Variants in LMOD1 observed in about 807,000 individuals in gnomAD.
LMOD1 encodes the protein leiomodin-1.
A neutral mutation model predicts 36.5 loss-of-function variants in LMOD1; 8 were observed. That is an observed-to-expected ratio of 0.22 (90% confidence interval 0.13 to 0.40). LMOD1 has a LOEUF of 0.40. LMOD1 is among the 10% of genes least tolerant of loss of function. The pLI, the probability that LMOD1 is intolerant of heterozygous loss-of-function variation, is 1.00. For synonymous variants in LMOD1, 284 were observed against 288.7 expected (o/e 0.98, Z 0.17); for missense variants, 630 against 751.1 (o/e 0.84, Z 1.88).
chr1:201,936,424 G>T (rs574059855), intron 1 of LMOD1, among the ~76,000 whole-genome samples: 1 of 152,204 alleles, frequency 6.6e-6, no homozygotes, highest in Non-Finnish European at 1.5e-5. Context: ...AAACTCTGCT[G>T]CCCTAAAAGT....
chr1:201,908,997 C>T (rs544557974), intron 1 of LMOD1, among the ~76,000 whole-genome samples: 2 of 152,342 alleles, frequency 1.3e-5, no homozygotes, highest in East Asian at 3.9e-4. Context: ...AGAATGCTGG[C>T]CATGTGGGCA....
chr1:201,903,074 G>C (rs577027941), intron 1 of LMOD1, among the ~76,000 whole-genome samples: 21 of 152,290 alleles, frequency 1.4e-4, no homozygotes, highest in African/African-American at 5.1e-4. Flanking sequence ...GGAGAGGGCA[G>C]GGAAGAAAGG....
chr1:201,924,685 GAAAGAAAGAAAGAA>G (rs1681791844), intron 1 of LMOD1, among the ~76,000 whole-genome samples: 1 of 46,268 alleles, frequency 2.2e-5, no homozygotes, highest in African/African-American at 4.8e-5. Flanking sequence ...AAGAAAGAAA[GAAAGAAAGAAAGAA>G]AGAAAGAAAG....
Position 201,946,206 on chromosome 1 carries a change from A to G in LMOD1, c.135T>C (p.Val45=), listed in dbSNP as rs1682209248. The change falls in exon 1 of 3, where the codon GTT becomes GTC. Residue 45 remains valine, a synonymous_variant. Coordinates refer to ENST00000367288, the MANE Select transcript of LMOD1 (RefSeq NM_012134.3). ...GGTTTCTCTGCCGCAGCCCCACGGG[A>G]ACACTCCCGTCTGGGTCCACCACGT... ...ELDVVDPDGS[V]PVGLRQRNQT... 9 of 1,613,796 alleles carry G rather than the reference A, an allele frequency of 5.6e-6. No homozygotes were observed. Among genetic ancestry groups the G allele is most frequent in the Non-Finnish European group, 7.6e-6 (9 of 1,179,882 alleles).
Position 201,905,425 on chromosome 1 carries a change from G to A in LMOD1, c.262-4674C>T, listed in dbSNP as rs796137069. On this transcript the variant is annotated intron_variant, in intron 1 of 2. Transcript: ENST00000367288. ...GCACAGCATTTTCTCCCTTACCTTG[G>A]CCCTTCTGATGCTGCTTTCTTTAGA... Among the ~76,000 whole-genome samples, 7 of 152,328 alleles carry A rather than the reference G, an allele frequency of 4.6e-5. No homozygotes were observed. In the East Asian group the frequency reaches 1.2e-3, roughly 25 times the overall value.
rs898870774 is a variant in LMOD1 at position 201,896,826 on chromosome 1, C to T, written c.*1546G>A. The T allele has an allele frequency of 9.5e-6, 4 of 421,090 alleles. No homozygotes were observed. Among genetic ancestry groups the T allele is most frequent in the South Asian group, 3.4e-5 (2 of 59,618 alleles). The allele number at this position is 421,090 out of a possible 1,614,324, so 26.1% of individuals were successfully genotyped here. A position where few individuals can be genotyped will look rare whatever the true frequency, so the allele number is the denominator to read the frequency against. On this transcript the variant is annotated 3_prime_UTR_variant, in exon 3 of 3. Coordinates refer to ENST00000367288, the MANE Select transcript of LMOD1 (RefSeq NM_012134.3). Reference sequence around the variant, plus strand: ...CCCTGGGATCTGAGGGCTTTACCCCCAGGACTAGACTGCCCTCTGGTTTTG... The same window carrying T: ...CCCTGGGATCTGAGGGCTTTACCCCTAGGACTAGACTGCCCTCTGGTTTTG...
In LMOD1 at chr1:201,939,998, G is replaced by A. The variant is rs4950800; in HGVS notation, c.261+6082C>T. 9.2e-3 allele frequency among the ~76,000 whole-genome samples: 1,395 copies of A among 152,158 alleles called. 112 individuals carry two copies. In the East Asian group the frequency reaches 0.19, roughly 21 times the overall value. ...CAGCCTGGGGACCATGAAGCTCCCA[G>A]AATCCCTGAAGCCTCCAGCCTTCTC... On this transcript the variant is annotated intron_variant, in intron 1 of 2. Coordinates refer to ENST00000367288, the MANE Select transcript of LMOD1 (RefSeq NM_012134.3).
chr1:201,915,115 A>T (rs1182312437), intron 1 of LMOD1, among the ~76,000 whole-genome samples: 3 of 152,186 alleles, frequency 2.0e-5, no homozygotes, highest in African/African-American at 7.2e-5. Context: ...CTGCGTGGGA[A>T]GCATCTGGCG....
chr1:201,898,528 G>A (rs1348519274), intron 2 of LMOD1, 130 bp from the exon 3 acceptor site: 2 of 720,602 alleles, frequency 2.8e-6, no homozygotes, highest in African/African-American at 3.7e-5. Context: ...TTGACACTGA[G>A]GGAGCATTTT....
intron 1 of LMOD1, among the ~76,000 whole-genome samples, chr1:201,915,468 T>G (rs2102916948): frequency 6.6e-6 from 1 of 152,240 alleles, no homozygotes; most frequent in Admixed American, 6.5e-5. Flanking sequence ...GGACTCCTTA[T>G]CTTCCCCCAC....
At chr1:201,920,142 C>T (rs1681679900) in intron 1 of LMOD1, among the ~76,000 whole-genome samples, 1 of 147,482 alleles carries the variant, frequency 6.8e-6, no homozygotes, top group African/African-American at 2.5e-5. Flanking sequence ...TCACTGCAAC[C>T]TCAACCTCCG....
intron 1 of LMOD1, among the ~76,000 whole-genome samples, chr1:201,911,243 T>G (rs894694260): frequency 6.6e-6 from 1 of 152,150 alleles, no homozygotes; most frequent in South Asian, 2.1e-4. Context: ...CCCGGAAGTT[T>G]CTCCAGCATT....
intron 1 of LMOD1, among the ~76,000 whole-genome samples, chr1:201,918,876 A>G (rs1236548484): frequency 1.3e-5 from 2 of 152,130 alleles, no homozygotes; most frequent in East Asian, 3.8e-4. Context: ...CATTTCATGC[A>G]TACATATTTC....
rs1681323324 is a variant in LMOD1 at position 201,901,643 on chromosome 1, TATATAC to T, written c.262-898_262-893del. Among the ~76,000 whole-genome samples the T allele has an allele frequency of 1.1e-4, 8 of 75,522 alleles. 1 individual carries two copies. The highest frequency in any genetic ancestry group is 4.5e-4 in the South Asian group (1 of 2,236). The allele number at this position is 75,522 out of a possible 152,430, so 49.5% of individuals were successfully genotyped here. A position where few individuals can be genotyped will look rare whatever the true frequency, so the allele number is the denominator to read the frequency against. On this transcript the variant is annotated intron_variant, in intron 1 of 2. Transcript: ENST00000367288. ...ATATGTGTGTGTGTATATATATATA[TATATAC>T]ATATATATGTGTATATATATATATA...
In LMOD1 at chr1:201,916,706, A is replaced by T. The variant is rs575017395; in HGVS notation, c.262-15955T>A. Among the ~76,000 whole-genome samples the T allele has an allele frequency of 5.3e-5, 8 of 152,268 alleles. No individual in the cohort carries two copies. The South Asian group carries it at 1.7e-3, about 32-fold the overall frequency. On this transcript the variant is annotated intron_variant, in intron 1 of 2. Transcript: ENST00000367288. ...GGTGGGAGGGAGGGGATTCCCCGTC[A>T]CTGTGCTCAGTCTTCAGCCCGGCTG...
chr1:201,924,003 GAGAAA>G (rs1681755204), intron 1 of LMOD1, among the ~76,000 whole-genome samples: 1 of 150,884 alleles, frequency 6.6e-6, no homozygotes, highest in Non-Finnish European at 1.5e-5. Flanking sequence ...AAGAAAGAAA[GAGAAA>G]AGAAAGAAAA....
At chr1:201,909,733 C>T (rs920392690) in intron 1 of LMOD1, among the ~76,000 whole-genome samples, 2 of 152,180 alleles carry the variant, frequency 1.3e-5, no homozygotes, top group African/African-American at 4.8e-5. Flanking sequence ...GCTGCCATGC[C>T]GCCCCAGGTG....
intron 1 of LMOD1, among the ~76,000 whole-genome samples, chr1:201,920,200 C>T (rs945176165): frequency 6.6e-6 from 1 of 151,930 alleles, no homozygotes; most frequent in East Asian, 1.9e-4. Flanking sequence ...GCTGGGATTA[C>T]AGGCACCCAC....
intron 1 of LMOD1, among the ~76,000 whole-genome samples, chr1:201,913,128 G>A (rs1681541974): frequency 6.6e-6 from 1 of 152,148 alleles, no homozygotes; most frequent in Non-Finnish European, 1.5e-5. Context: ...GACCAGGCGG[G>A]GGACTGACAG....
Sources: gnomAD v4.1 joint callset for allele counts (sites outside exome capture counted in the v4.1 genomes callset) on GRCh38, gnomAD v4.1.1 for gene constraint, MANE v1.5 for transcripts, NCBI Gene and HGNC (gene_info 2026-07-23, HGNC 2026-07-21) for gene names.